RTF1: variants seen among roughly 807,000 people sequenced by gnomAD.
RTF1 encodes RNA polymerase-associated protein RTF1 homolog.
RTF1 carries 10 observed loss-of-function variants against 95.7 expected under a neutral mutation model. The ratio of observed to expected loss-of-function variants is 0.10; its 90% CI spans 0.06 to 0.18. The LOEUF (loss-of-function observed/expected upper bound fraction) is 0.18, where lower values mean the gene tolerates loss of function less well. Ranked by LOEUF, RTF1 falls within the 10% of genes least tolerant of loss-of-function variation. The pLI, the probability that RTF1 is intolerant of heterozygous loss-of-function variation, is 1.00. For missense variants in RTF1, 458 were observed against 875.6 expected, an observed-to-expected ratio of 0.52 and a Z score of 6.02; for synonymous variants, 305 against 311.8, an observed-to-expected ratio of 0.98 and a Z score of 0.23.
intron 2 of RTF1, among the ~76,000 whole-genome samples, chr15:41,444,913 T>C (rs2050753280): frequency 6.6e-6 from 1 of 152,000 alleles, no homozygotes; most frequent in Non-Finnish European, 1.5e-5. Context: ...TCATGAGCTT[T>C]ATTTTTATTT....
chr15:41,479,771 G>T (rs751228785), intron 16 of RTF1, among the ~76,000 whole-genome samples: 1 of 150,872 alleles, frequency 6.6e-6, no homozygotes, highest in African/African-American at 2.4e-5. Flanking sequence ...GCTGAGGCAG[G>T]AAAATCGCGT....
chr15:41,417,962 A>G (rs563635976), intron 1 of RTF1, among the ~76,000 whole-genome samples: 2 of 152,102 alleles, frequency 1.3e-5, no homozygotes, highest in African/African-American at 4.8e-5. Context: ...GAAAGAGGGC[A>G]GATACTGGAA....
intron 1 of RTF1, among the ~76,000 whole-genome samples, chr15:41,431,048 C>T (rs1179879469): frequency 2.6e-5 from 4 of 151,300 alleles, no homozygotes; most frequent in East Asian, 3.9e-4. Flanking sequence ...GGATTACAGG[C>T]GCCTGCCACC....
chr15:41,428,633 C>T (rs1039341709), intron 1 of RTF1, among the ~76,000 whole-genome samples: 1 of 151,026 alleles, frequency 6.6e-6, no homozygotes, highest in Non-Finnish European at 1.5e-5. Flanking sequence ...AGTGCAGTGA[C>T]GTGGTCATGG....
intron 3 of RTF1, among the ~76,000 whole-genome samples, chr15:41,455,990 C>T (rs1262833012): frequency 6.6e-6 from 1 of 151,540 alleles, no homozygotes; most frequent in Non-Finnish European, 1.5e-5. Flanking sequence ...AGACGGGGAT[C>T]ACCTGAGGTC....
chr15:41,433,902 A>G lies in RTF1; in HGVS notation c.199-4419A>G, dbSNP rs373166193. ...CTCTTTTTGCCCAGGCTGGAGTGCA[A>G]TGGTGCTATTTCAGTTCACTGCAAC... On this transcript the variant is annotated intron_variant, in intron 1 of 17. Transcript: ENST00000389629. Among the ~76,000 whole-genome samples the G allele has an allele frequency of 4.8e-5, 7 of 145,676 alleles. No homozygotes were observed. In the South Asian group the frequency reaches 8.6e-4, roughly 18 times the overall value.
rs375084712 is a variant in RTF1 at position 41,469,828 on chromosome 15, C to T, written c.890-429C>T. On this transcript the variant is annotated intron_variant, in intron 6 of 17. Coordinates refer to ENST00000389629, the MANE Select transcript of RTF1 (RefSeq NM_015138.5). The stretch of plus-strand genomic sequence containing the variant: ...GCGTAAGCCACCGCACCCGTCCCCA[C>T]GTTCCTTTTTTATAGCTGCATAGTA... 9.2e-5 allele frequency among the ~76,000 whole-genome samples: 14 copies of T among 152,262 alleles called. No individual in the cohort carries two copies. In the South Asian group the frequency reaches 2.9e-3, roughly 32 times the overall value.
intron 4 of RTF1, among the ~76,000 whole-genome samples, 185 bp from the exon 5 acceptor site, chr15:41,464,586 T>A (rs2050870987): frequency 6.6e-6 from 1 of 152,160 alleles, no homozygotes; most frequent in African/African-American, 2.4e-5. Context: ...TATCAAATAT[T>A]TTATATTTTG....
intron 3 of RTF1, among the ~76,000 whole-genome samples, chr15:41,454,379 C>T (rs1221759102): frequency 6.6e-6 from 1 of 152,060 alleles, no homozygotes; most frequent in African/African-American, 2.4e-5. Context: ...GTGTGAGCCG[C>T]CACACCCGGC....
chr15:41,444,555 A>G (rs1215155712), intron 2 of RTF1, among the ~76,000 whole-genome samples: 1 of 152,080 alleles, frequency 6.6e-6, no homozygotes, highest in East Asian at 1.9e-4. Context: ...TCGGGCTCCC[A>G]AAGTGCTAGG....
chr15:41,468,475 G>A (rs916014724), intron 6 of RTF1, among the ~76,000 whole-genome samples: 7 of 151,858 alleles, frequency 4.6e-5, no homozygotes, highest in African/African-American at 1.5e-4. Flanking sequence ...CTGCCACCAC[G>A]CCCAGCTAAT....
At chr15:41,454,399 AT>A (rs895159376) in intron 3 of RTF1, among the ~76,000 whole-genome samples, 7 of 150,256 alleles carry the variant, frequency 4.7e-5, no homozygotes, top group Non-Finnish European at 7.4e-5. Flanking sequence ...CCATAAAAAA[AT>A]TTTTTTTTTA....
chr15:41,447,469 T>TC (rs2050769493), intron 2 of RTF1, among the ~76,000 whole-genome samples: 1 of 152,228 alleles, frequency 6.6e-6, no homozygotes, highest in Non-Finnish European at 1.5e-5. Flanking sequence ...GTACTCACCT[T>TC]CCTTGTTTCA....
At chr15:41,455,303 A>T (rs899388401) in intron 3 of RTF1, among the ~76,000 whole-genome samples, 1 of 146,640 alleles carries the variant, frequency 6.8e-6, no homozygotes, top group Non-Finnish European at 1.5e-5. Context: ...ACAGAGTGAG[A>T]CTCTGTCTCC....
chr15:41,478,965 G>GTTT, intron 15 of RTF1, 138 bp from the exon 16 acceptor site: 4 of 483,958 alleles, frequency 8.3e-6, no homozygotes, highest in East Asian at 3.3e-5. Flanking sequence ...TTTTTTTGCT[G>GTTT]CTTTGAGGAA....
In RTF1 at chr15:41,483,558, A is replaced by G. The variant is rs1595443870; in HGVS notation, c.*2871A>G. On this transcript the variant is annotated 3_prime_UTR_variant, in exon 18 of 18. Coordinates refer to ENST00000389629, the MANE Select transcript of RTF1 (RefSeq NM_015138.5). ...AAATAAATGTTATGCCATTTTAACA[A>G]AGGGATCAGATTGAGTCTAAGGATT... 1 of 152,476 alleles carries G rather than the reference A, an allele frequency of 6.6e-6. No individual in the cohort carries two copies. The allele number at this position is 152,476 out of a possible 1,614,324, so 9.4% of individuals were successfully genotyped here.
At chr15:41,444,906 T>C (rs923569462) in intron 2 of RTF1, among the ~76,000 whole-genome samples, 9 of 152,058 alleles carry the variant, frequency 5.9e-5, no homozygotes, top group Admixed American at 3.3e-4. Context: ...AGATTGCTCA[T>C]GAGCTTTATT....
At chr15:41,473,605 C>T (rs1324588093) in intron 8 of RTF1, among the ~76,000 whole-genome samples, 2 of 152,234 alleles carry the variant, frequency 1.3e-5, no homozygotes, top group East Asian at 3.9e-4. Context: ...CCCTGTTGCC[C>T]AGGCTAGCAT....
At chr15:41,452,016 A>G (rs577705747) in intron 2 of RTF1, among the ~76,000 whole-genome samples, 1 of 152,098 alleles carries the variant, frequency 6.6e-6, no homozygotes, top group Non-Finnish European at 1.5e-5. Context: ...TAGGCAACAT[A>G]GCAAGAACCT....
Sources: gnomAD v4.1 joint callset for allele counts (sites outside exome capture counted in the v4.1 genomes callset) on GRCh38, gnomAD v4.1.1 for gene constraint, MANE v1.5 for transcripts, NCBI Gene and HGNC (gene_info 2026-07-23, HGNC 2026-07-21) for gene names.